SETBP1: variants seen among roughly 807,000 people sequenced by gnomAD.
SETBP1 encodes SET-binding protein.
Under a neutral mutation model 101.0 loss-of-function variants are expected in SETBP1, and 9 were observed. The ratio of observed to expected loss-of-function variants is 0.09; its 90% CI spans 0.05 to 0.16. The LOEUF is 0.16. Among genes scored for constraint, SETBP1 ranks in the 10% least tolerant of loss-of-function variants. The probability of loss-of-function intolerance (pLI) is 1.00; values close to 1 mark genes in which losing one functional copy is unlikely to be tolerated. For synonymous variants in SETBP1, 818 were observed against 788.5 expected, an observed-to-expected ratio of 1.04 and a Z score of -0.63; for missense variants, 1,858 against 2,033.8, an observed-to-expected ratio of 0.91 and a Z score of 1.66.
chr18:44,783,567 G>T (rs1173126929), intron 2 of SETBP1, among the ~76,000 whole-genome samples: 1 of 152,226 alleles, frequency 6.6e-6, no homozygotes, highest in Non-Finnish European at 1.5e-5. Context: ...GCTGGCAGTA[G>T]TGCAGAGTCA....
intron 4 of SETBP1, among the ~76,000 whole-genome samples, chr18:44,995,529 T>TTGTGTG (rs60256060): frequency 0.11 from 15,823 of 142,770 alleles, 954 homozygotes; most frequent in Middle Eastern, 0.19. Context: ...GTCCAGGCTT[T>TTGTGTG]TGTGTGTGTG....
At chr18:44,808,330 T>G (rs1026560945) in intron 2 of SETBP1, among the ~76,000 whole-genome samples, 22 of 152,204 alleles carry the variant, frequency 1.4e-4, no homozygotes, top group African/African-American at 5.1e-4. Context: ...CCCCTGAGCA[T>G]CCACAGCAGA....
chr18:44,928,880 TG>T (rs2144976788), intron 3 of SETBP1, among the ~76,000 whole-genome samples: 1 of 152,356 alleles, frequency 6.6e-6, no homozygotes, highest in East Asian at 1.9e-4. Flanking sequence ...TTCTGTAGGT[TG>T]CCTGTTCACT....
At position 44,950,986 on chromosome 18, in the gene SETBP1, C is replaced by T. The variant is rs2145099662; in HGVS notation, c.1646C>T (p.Ala549Val). The change falls in exon 4 of 6, where the codon GCC (alanine) becomes GTC (valine). Residue 549 changes from alanine (A) to valine (V), a missense_variant. By Grantham distance (64) the Ala-to-Val change is moderately conservative. Around this residue, in one of 12 missense-constraint regions of SETBP1, gnomAD observed 581 missense variants for 535.1 expected, o/e 1.09. Transcript: ENST00000649279. Reference sequence around the variant, plus strand: ...ACCATGCTTCGAGAGGCAGTTATGGCCACCTCTGATAAACTGATGCTGGAG... The same window carrying T: ...ACCATGCTTCGAGAGGCAGTTATGGTCACCTCTGATAAACTGATGCTGGAG... ...PSTMLREAVM[A>V]TSDKLMLEPP... 1 of 1,614,062 alleles carries T rather than the reference C, an allele frequency of 6.2e-7. No homozygotes were observed. The highest frequency in any genetic ancestry group is 8.5e-7 in the Non-Finnish European group (1 of 1,180,022).
intron 2 of SETBP1, among the ~76,000 whole-genome samples, chr18:44,837,911 C>T (rs540393755): frequency 1.2e-3 from 190 of 152,340 alleles, no homozygotes; most frequent in Non-Finnish European, 2.0e-3. Flanking sequence ...CACATCTCCT[C>T]TAGTCACACT....
At chr18:44,898,285 A>G (rs2144817018) in intron 3 of SETBP1, among the ~76,000 whole-genome samples, 1 of 152,304 alleles carries the variant, frequency 6.6e-6, no homozygotes, top group Non-Finnish European at 1.5e-5. Context: ...TGGAAGTAAT[A>G]TATTTATACA....
intron 2 of SETBP1, among the ~76,000 whole-genome samples, chr18:44,811,195 C>T (rs1044852443): frequency 9.2e-5 from 14 of 152,222 alleles, no homozygotes; most frequent in Admixed American, 4.6e-4. Flanking sequence ...ACATAACATA[C>T]TTTATTTACT....
At chr18:45,026,141 T>C (rs1345951977) in intron 4 of SETBP1, among the ~76,000 whole-genome samples, 1 of 152,212 alleles carries the variant, frequency 6.6e-6, no homozygotes, top group Non-Finnish European at 1.5e-5. Context: ...TCCTTCACAT[T>C]AGGAAGAATC....
intron 2 of SETBP1, among the ~76,000 whole-genome samples, chr18:44,791,551 G>A (rs771223360): frequency 1.3e-5 from 2 of 152,130 alleles, no homozygotes; most frequent in South Asian, 2.1e-4. Context: ...GTTTCTAGAC[G>A]TGTCCCAAAC....
chr18:44,730,253 T>C (rs150826231), intron 2 of SETBP1, among the ~76,000 whole-genome samples: 354 of 152,352 alleles, frequency 2.3e-3, no homozygotes, highest in Non-Finnish European at 3.8e-3. Flanking sequence ...AGTTTTATTC[T>C]GTCTATTCTA....
At chr18:44,803,067 G>T (rs1169978353) in intron 2 of SETBP1, among the ~76,000 whole-genome samples, 1 of 152,144 alleles carries the variant, frequency 6.6e-6, no homozygotes, top group African/African-American at 2.4e-5. Flanking sequence ...CAGAAAACCA[G>T]AGAAGGTCTC....
chr18:44,723,279 T>C (rs1004972442), intron 2 of SETBP1, among the ~76,000 whole-genome samples: 6 of 152,232 alleles, frequency 3.9e-5, no homozygotes, highest in Admixed American at 2.0e-4. Context: ...TTTCATCTCT[T>C]CAGAAGTCCT....
intron 3 of SETBP1, among the ~76,000 whole-genome samples, chr18:44,915,557 C>G (rs1294535752): frequency 6.6e-6 from 1 of 152,158 alleles, no homozygotes; most frequent in Non-Finnish European, 1.5e-5. Context: ...CAACTAAGGA[C>G]TCAAATGTGC....
At chr18:44,906,857 G>C (rs1295502256) in intron 3 of SETBP1, among the ~76,000 whole-genome samples, 2 of 152,040 alleles carry the variant, frequency 1.3e-5, no homozygotes, top group African/African-American at 4.8e-5. Context: ...TTTACTAGCA[G>C]CTTTAAAAAG....
At chr18:44,792,119 T>C (rs2071383838) in intron 2 of SETBP1, among the ~76,000 whole-genome samples, 1 of 152,200 alleles carries the variant, frequency 6.6e-6, no homozygotes, top group Non-Finnish European at 1.5e-5. Context: ...GTACCTGATA[T>C]ATAATATAAT....
chr18:44,898,203 C>T (rs2069953816), intron 3 of SETBP1, among the ~76,000 whole-genome samples: 1 of 152,264 alleles, frequency 6.6e-6, no homozygotes, highest in Admixed American at 6.5e-5. Flanking sequence ...AGCCACACCA[C>T]TACTTGATTC....
intron 5 of SETBP1, among the ~76,000 whole-genome samples, chr18:45,053,740 T>C (rs1179433853): frequency 6.6e-6 from 1 of 151,638 alleles, no homozygotes; most frequent in Non-Finnish European, 1.5e-5. Context: ...TCATGTTTGC[T>C]ATATGGTTCT....
intron 2 of SETBP1, among the ~76,000 whole-genome samples, chr18:44,810,105 T>C (rs1329876905): frequency 1.3e-5 from 2 of 152,240 alleles, no homozygotes; most frequent in African/African-American, 4.8e-5. Flanking sequence ...TTATCCTGGG[T>C]ACCCTTTTCT....
intron 3 of SETBP1, among the ~76,000 whole-genome samples, chr18:44,875,488 C>T (rs1007606366): frequency 4.4e-5 from 6 of 136,822 alleles, no homozygotes; most frequent in South Asian, 2.3e-4. Context: ...GAGATCGCGC[C>T]GCTGCACTCC....
Sources: allele counts gnomAD v4.1 joint callset (sites outside exome capture counted in the v4.1 genomes callset), GRCh38; gene constraint gnomAD v4.1.1; regional missense constraint gnomAD v4.1.1; transcripts MANE v1.5; gene names NCBI Gene and HGNC (gene_info 2026-07-23, HGNC 2026-07-21).